MACROD2: variants seen among roughly 807,000 people sequenced by gnomAD.
MACROD2 encodes the protein mono-ADP ribosylhydrolase 2.
Under a neutral mutation model 70.4 loss-of-function variants are expected in MACROD2, and 36 were observed. The observed-to-expected ratio is 0.51, with a 90% CI of 0.39 to 0.68. The LOEUF is 0.68. Ranked by LOEUF, MACROD2 falls within the 30% of genes least tolerant of loss-of-function variation. MACROD2 has a pLI of 0.00. For missense variants in MACROD2, 496 were observed against 538.4 expected, an observed-to-expected ratio of 0.92 and a Z score of 0.78; for synonymous variants, 172 against 178.8, an observed-to-expected ratio of 0.96 and a Z score of 0.30.
intron 8 of MACROD2, among the ~76,000 whole-genome samples, chr20:15,608,000 G>A (rs1240948101): frequency 6.6e-6 from 1 of 152,220 alleles, no homozygotes; most frequent in Non-Finnish European, 1.5e-5. Flanking sequence ...GTACAACTTA[G>A]CCATGGCTTA....
intron 3 of MACROD2, among the ~76,000 whole-genome samples, chr20:14,369,062 T>C (rs2122740383): frequency 6.6e-6 from 1 of 152,336 alleles, no homozygotes; most frequent in South Asian, 2.1e-4. Context: ...ATACATGTCC[T>C]ATTTCCCAAG....
At position 15,328,859 on chromosome 20, in the gene MACROD2, A is replaced by G. The variant is rs181367290; in HGVS notation, c.540+98798A>G. ...TATCTAAAATTCAGAAAAGAATGCC[A>G]AAAGATATTTACCAAAGTATAATAG... On this transcript the variant is annotated intron_variant, in intron 6 of 17. Coordinates refer to ENST00000684519, the MANE Select transcript of MACROD2 (RefSeq NM_001351661.2). 2.9e-3 allele frequency among the ~76,000 whole-genome samples: 441 copies of G among 152,268 alleles called. 1 individual carries two copies. Among genetic ancestry groups the G allele is most frequent in the Non-Finnish European group, 3.7e-3 (254 of 68,014 alleles).
intron 15 of MACROD2, among the ~76,000 whole-genome samples, chr20:16,032,584 G>A (rs921285791): frequency 1.3e-5 from 2 of 150,648 alleles, no homozygotes; most frequent in East Asian, 3.9e-4. Flanking sequence ...AAACTAGGAT[G>A]CAGGAAGGAA....
intron 5 of MACROD2, among the ~76,000 whole-genome samples, chr20:14,959,586 A>G (rs1286899962): frequency 6.6e-6 from 1 of 152,222 alleles, no homozygotes; most frequent in Non-Finnish European, 1.5e-5. Context: ...CAAGGGGATA[A>G]CATGCCTTGA....
chr20:14,696,689 G>A (rs1035021461), intron 5 of MACROD2, among the ~76,000 whole-genome samples: 15 of 152,130 alleles, frequency 9.9e-5, no homozygotes, highest in African/African-American at 4.8e-5. Context: ...AAGATCATGA[G>A]ACACAGCCTT....
At chr20:15,497,453 G>A (rs1215103391) in intron 7 of MACROD2, among the ~76,000 whole-genome samples, 1 of 152,042 alleles carries the variant, frequency 6.6e-6, no homozygotes, top group East Asian at 1.9e-4. Flanking sequence ...CACCACGTTT[G>A]GCTAAGTTTT....
intron 5 of MACROD2, among the ~76,000 whole-genome samples, chr20:14,742,835 C>T (rs887693161): frequency 2.0e-5 from 3 of 151,022 alleles, no homozygotes; most frequent in Non-Finnish European, 4.4e-5. Flanking sequence ...GACGGGATCT[C>T]GGCTCACTGC....
intron 8 of MACROD2, among the ~76,000 whole-genome samples, chr20:15,553,193 T>G (rs2146591520): frequency 6.6e-6 from 1 of 152,318 alleles, no homozygotes; most frequent in African/African-American, 2.4e-5. Flanking sequence ...CCAGGCTTTC[T>G]GCTAGGGACT....
chr20:14,996,009 C>T (rs374053523), intron 5 of MACROD2, among the ~76,000 whole-genome samples: 34 of 152,282 alleles, frequency 2.2e-4, no homozygotes, highest in East Asian at 1.2e-3. Context: ...AAATTCAATA[C>T]TGCTGATCTT....
Position 15,318,079 on chromosome 20 carries a change from CAG to C in MACROD2, c.540+88020_540+88021del, listed in dbSNP as rs1217974239. Among the ~76,000 whole-genome samples the C allele has an allele frequency of 2.6e-5, 4 of 152,020 alleles. No homozygotes were observed. The East Asian group carries it at 7.7e-4, about 29-fold the overall frequency. ...GCACTTAATTGAAATCAGAAGAAAA[CAG>C]AAGTTGCACTTAACTGAAATCAGAA... On this transcript the variant is annotated intron_variant, in intron 6 of 17. Transcript: ENST00000684519.
chr20:15,527,285 C>T (rs2047734976), intron 8 of MACROD2, among the ~76,000 whole-genome samples: 1 of 152,040 alleles, frequency 6.6e-6, no homozygotes, highest in South Asian at 2.1e-4. Flanking sequence ...ATTTTTTCTA[C>T]AATAATATTA....
intron 8 of MACROD2, among the ~76,000 whole-genome samples, chr20:15,589,113 T>C (rs2048643348): frequency 6.6e-6 from 1 of 152,162 alleles, no homozygotes; most frequent in Non-Finnish European, 1.5e-5. Context: ...AGGCACTTCT[T>C]ACATGGCGGC....
intron 3 of MACROD2, among the ~76,000 whole-genome samples, chr20:14,289,627 G>T (rs190013334): frequency 8.1e-4 from 123 of 152,288 alleles, no homozygotes; most frequent in Admixed American, 5.9e-3. Context: ...CTGCAGCCTT[G>T]TTCTCCTGGG....
At chr20:14,269,005 A>G (rs960574013) in intron 3 of MACROD2, among the ~76,000 whole-genome samples, 2 of 152,212 alleles carry the variant, frequency 1.3e-5, no homozygotes, top group Non-Finnish European at 2.9e-5. Flanking sequence ...GGACTTGAGC[A>G]CATTACTAAT....
chr20:15,533,533 C>G (rs2047832213), intron 8 of MACROD2, among the ~76,000 whole-genome samples: 1 of 145,794 alleles, frequency 6.9e-6, no homozygotes, highest in Non-Finnish European at 1.5e-5. Context: ...CTTTCTGTCT[C>G]TGTCTCTGTC....
chr20:15,443,184 C>T (rs186221226), intron 7 of MACROD2, among the ~76,000 whole-genome samples: 8 of 152,268 alleles, frequency 5.3e-5, no homozygotes, highest in Non-Finnish European at 8.8e-5. Flanking sequence ...TGTGGGGCCA[C>T]AGTCATCCAT....
At chr20:14,951,468 A>G (rs1042973067) in intron 5 of MACROD2, among the ~76,000 whole-genome samples, 1 of 152,136 alleles carries the variant, frequency 6.6e-6, no homozygotes, top group Admixed American at 6.5e-5. Flanking sequence ...GCTCCGTATC[A>G]GCTAAGTGAG....
chr20:14,428,446 A>G (rs1419471779), intron 3 of MACROD2, among the ~76,000 whole-genome samples: 1 of 152,128 alleles, frequency 6.6e-6, no homozygotes, highest in Non-Finnish European at 1.5e-5. Context: ...TCAAAATGCC[A>G]GTTGTTTTAT....
intron 5 of MACROD2, among the ~76,000 whole-genome samples, chr20:14,753,724 T>C (rs1225632957): frequency 1.3e-5 from 2 of 152,126 alleles, no homozygotes; most frequent in Non-Finnish European, 2.9e-5. Flanking sequence ...GCTAGGCAGT[T>C]GCTTTAATAA....
Sources: gnomAD v4.1 joint callset for allele counts (sites outside exome capture counted in the v4.1 genomes callset) on GRCh38, gnomAD v4.1.1 for gene constraint, MANE v1.5 for transcripts, NCBI Gene and HGNC (gene_info 2026-07-23, HGNC 2026-07-21) for gene names.